Variants in SMG6 observed in about 807,000 individuals in gnomAD.
SMG6 encodes telomerase-binding protein EST1A.
In SMG6, 66 loss-of-function variants were observed where a neutral mutation model predicts 142.2. That is an observed-to-expected ratio of 0.46 (90% CI 0.38 to 0.57). SMG6 has a LOEUF of 0.57. Among genes scored for constraint, SMG6 ranks in the 20% least tolerant of loss-of-function variants. The probability of loss-of-function intolerance (pLI) is 0.00; values close to 1 mark genes in which losing one functional copy is unlikely to be tolerated. For synonymous variants in SMG6, 779 were observed against 702.4 expected, an observed-to-expected ratio of 1.11 and a Z score of -1.72; for missense variants, 1,793 against 1,832.0, an observed-to-expected ratio of 0.98 and a Z score of 0.39.
chr17:2,300,212 C>T lies in SMG6; in HGVS notation c.541G>A (p.Glu181Lys), dbSNP rs560208579. The change falls in exon 2 of 19, where the codon GAG becomes AAG. Residue 181 changes from glutamate (E) to lysine (K), a missense_variant. Physicochemically the swap from Glu to Lys is moderately conservative, Grantham distance 56 (BLOSUM62 1). Around this residue, in one of 3 missense-constraint regions of SMG6, gnomAD observed 1,597 missense variants for 1,584.6 expected, o/e 1.01. Transcript: ENST00000263073. Reference protein sequence around the residue: ...QVEQLRVEEDECRGNVAKEEV... With the variant: ...QVEQLRVEEDKCRGNVAKEEV... The stretch of plus-strand genomic sequence containing the variant: ...TCCTTCGCAACATTTCCCCTACACT[C>T]ATCTTCCTCTACTCTCAGTTGTTCT... 171 of 1,614,202 alleles carry T rather than the reference C, an allele frequency of 1.1e-4. 1 individual carries two copies. The South Asian group carries it at 1.6e-3, about 15-fold the overall frequency.
chr17:2,083,322 C>T (rs914083383), intron 14 of SMG6, among the ~76,000 whole-genome samples: 4 of 152,150 alleles, frequency 2.6e-5, no homozygotes, highest in Admixed American at 6.5e-5. Context: ...GGGTAGATGA[C>T]GGGGGTATAC....
intron 6 of SMG6, among the ~76,000 whole-genome samples, chr17:2,291,383 T>C (rs2075034235): frequency 1.3e-5 from 2 of 150,318 alleles, no homozygotes; most frequent in Non-Finnish European, 3.0e-5. Context: ...TGATGGTTAA[T>C]TGTACTTTCT....
chr17:2,111,059 C>T (rs180709189), intron 13 of SMG6, among the ~76,000 whole-genome samples: 41 of 152,292 alleles, frequency 2.7e-4, no homozygotes, highest in African/African-American at 9.6e-4. Flanking sequence ...GTGTTTCAGG[C>T]TGATCTCACA....
At chr17:2,078,208 C>T (rs901237758) in intron 15 of SMG6, among the ~76,000 whole-genome samples, 1 of 152,040 alleles carries the variant, frequency 6.6e-6, no homozygotes, top group Non-Finnish European at 1.5e-5. Context: ...GACTGCTACA[C>T]TCTAAGCAAC....
At chr17:2,298,842 A>G in intron 2 of SMG6, 64 bp downstream of exon 2, 1 of 1,478,920 alleles carries the variant, frequency 6.8e-7, no homozygotes, top group East Asian at 2.3e-5. Flanking sequence ...TTCCTCAGCC[A>G]TAGCAATCTA....
At chr17:2,249,260 C>A (rs901882223) in intron 8 of SMG6, among the ~76,000 whole-genome samples, 2 of 151,886 alleles carry the variant, frequency 1.3e-5, no homozygotes, top group African/African-American at 4.8e-5. Flanking sequence ...CCTAACACAT[C>A]AGCATGGACT....
At chr17:2,270,327 A>G (rs1054160429) in intron 8 of SMG6, among the ~76,000 whole-genome samples, 2 of 152,188 alleles carry the variant, frequency 1.3e-5, no homozygotes, top group African/African-American at 4.8e-5. Context: ...AGTTCTTTAG[A>G]GTCCAGGTGT....
intron 15 of SMG6, among the ~76,000 whole-genome samples, chr17:2,069,981 T>C (rs1044245975): frequency 7.2e-5 from 11 of 152,222 alleles, no homozygotes; most frequent in African/African-American, 2.7e-4. Flanking sequence ...AGCCTAGTCA[T>C]ATGCTTACTA....
rs997422522 is a variant in SMG6, at chr17:2,068,763, T to G, written c.3835+15A>C. 1 of 1,612,880 alleles carries G rather than the reference T, an allele frequency of 6.2e-7. No homozygotes were observed. Among genetic ancestry groups the G allele is most frequent in the African/African-American group, 1.3e-5 (1 of 75,052 alleles). On this transcript the variant is annotated intron_variant, in intron 16 of 18. Transcript: ENST00000263073. This position sits in a 1 kb window ranked among gnomAD's most constrained non-coding sequence, Gnocchi z 6.7. ...TGCACATGCAAGGCCGCTCTGCCCTTCCCGCCTGACTCACCGATGAGGGGC... is the reference window on the plus strand; with the variant it reads ...TGCACATGCAAGGCCGCTCTGCCCTGCCCGCCTGACTCACCGATGAGGGGC...
chr17:2,091,708 T>C (rs2068721993), intron 13 of SMG6, among the ~76,000 whole-genome samples: 1 of 151,452 alleles, frequency 6.6e-6, no homozygotes. Context: ...TCTCGCTCTG[T>C]TGCCCAGGCT....
Position 2,299,990 on chromosome 17 carries a change from G to GGTAAGC in SMG6, c.762_763insGCTTAC (p.Tyr254_Arg255insAlaTyr). On this transcript the variant is annotated inframe_insertion, in exon 2 of 19. Coordinates refer to ENST00000263073, the MANE Select transcript of SMG6 (RefSeq NM_017575.5). The surrounding 1 kb of genome is among the most constrained non-coding windows in gnomAD (Gnocchi z 4.3). ...CCAGCTGAGCTGGTGCTGCGCGTGC[G>GGTAAGC]GTAGCGATTCCTTCGTTTGTCTGAG... 6.2e-7 allele frequency: 1 copy of GGTAAGC among 1,614,058 alleles called. No homozygotes were observed. The highest frequency in any genetic ancestry group is 8.5e-7 in the Non-Finnish European group (1 of 1,180,018).
Position 2,085,663 on chromosome 17 carries a change from G to A in SMG6, c.3534+62C>T. On this transcript the variant is annotated intron_variant, in intron 14 of 18. Coordinates refer to ENST00000263073, the MANE Select transcript of SMG6 (RefSeq NM_017575.5). The surrounding 1 kb of genome is among the most constrained non-coding windows in gnomAD (Gnocchi z 4.1). ...TAAATAAGCAGGAGGAAAAGCTGAA[G>A]CCACGAGCAGAATGGGGAGGGGGCC... The A allele has an allele frequency of 6.6e-7, 1 of 1,508,758 alleles. No homozygotes were observed. The highest frequency in any genetic ancestry group is 2.3e-5 in the East Asian group (1 of 44,112). 93.5% of individuals were successfully genotyped at this position (1,508,758 alleles called of 1,614,324 possible).
intron 10 of SMG6, among the ~76,000 whole-genome samples, chr17:2,191,435 T>C (rs1567671627): frequency 6.6e-6 from 1 of 152,030 alleles, no homozygotes; most frequent in Non-Finnish European, 1.5e-5. Context: ...CAACAAGTGA[T>C]GTGGGGTGGG....
rs186169889 is a variant in SMG6, at chr17:2,228,432, T to C, written c.2869+8060A>G. On this transcript the variant is annotated intron_variant, in intron 10 of 18. Coordinates refer to ENST00000263073, the MANE Select transcript of SMG6 (RefSeq NM_017575.5). ...TTAGTAGAGATGGGGTTTCACCATC[T>C]TGGCCAGGCTGGTCTAGAACTCCTG... Among the ~76,000 whole-genome samples, 11 of 152,068 alleles carry C rather than the reference T, an allele frequency of 7.2e-5. No individual in the cohort carries two copies. The East Asian group carries it at 2.1e-3, about 29-fold the overall frequency.
chr17:2,254,398 A>G (rs547774840), intron 8 of SMG6, among the ~76,000 whole-genome samples: 2 of 152,196 alleles, frequency 1.3e-5, no homozygotes, highest in Non-Finnish European at 2.9e-5. Context: ...ACACTGGTGC[A>G]ATCCCAGCTC....
Position 2,199,606 on chromosome 17 carries a change from T to A in SMG6, c.2870-11091A>T, listed in dbSNP as rs980321275. Reference sequence around the variant, plus strand: ...AAATAAAAAAGATTTAATTTTGATTTAAAAAAATATTTTTGTAGGCCAGGC... The same window carrying A: ...AAATAAAAAAGATTTAATTTTGATTAAAAAAAATATTTTTGTAGGCCAGGC... On this transcript the variant is annotated intron_variant, in intron 10 of 18. Transcript: ENST00000263073. Among the ~76,000 whole-genome samples, 11 of 151,654 alleles carry A rather than the reference T, an allele frequency of 7.3e-5. No homozygotes were observed. The East Asian group carries it at 9.7e-4, about 13-fold the overall frequency.
In SMG6 at chr17:2,152,590, T is replaced by C. The variant is rs1298232071; in HGVS notation, c.3357+20068A>G. 3.3e-5 allele frequency among the ~76,000 whole-genome samples: 5 copies of C among 152,310 alleles called. No homozygotes were observed. In the South Asian group the frequency reaches 8.3e-4, roughly 25 times the overall value. ...GATACACAGATGACAAATGAACATA[T>C]GAAAAGATGCTCAACATCATTAGCC... On this transcript the variant is annotated intron_variant, in intron 13 of 18. Coordinates refer to ENST00000263073, the MANE Select transcript of SMG6 (RefSeq NM_017575.5).
Position 2,068,727 on chromosome 17 carries a change from G to C in SMG6, c.3835+51C>G. On this transcript the variant is annotated intron_variant, in intron 16 of 18. Transcript: ENST00000263073. This position sits in a 1 kb window ranked among gnomAD's most constrained non-coding sequence, Gnocchi z 6.7. The stretch of plus-strand genomic sequence containing the variant: ...CCCCAGGCCGTGGGGCGTGTGTGGA[G>C]GGGGCTGCTGTGCACATGCAAGGCC... The C allele has an allele frequency of 1.3e-6, 2 of 1,581,724 alleles. No individual in the cohort carries two copies. Among genetic ancestry groups the C allele is most frequent in the Non-Finnish European group, 8.6e-7 (1 of 1,161,200 alleles).
chr17:2,261,269 G>A (rs1444636327), intron 8 of SMG6, among the ~76,000 whole-genome samples: 4 of 151,302 alleles, frequency 2.6e-5, no homozygotes, highest in Non-Finnish European at 5.9e-5. Context: ...AGCCAAGATC[G>A]CACCACTGCA....
Sources: gnomAD v4.1 joint callset for allele counts (sites outside exome capture counted in the v4.1 genomes callset) on GRCh38, gnomAD v4.1.1 for gene constraint, gnomAD v4.1.1 regional missense constraint, Gnocchi (gnomAD v3.1) non-coding constraint, MANE v1.5 for transcripts, NCBI Gene and HGNC (gene_info 2026-07-23, HGNC 2026-07-21) for gene names.